BRD4: variants seen among roughly 807,000 people sequenced by gnomAD.
The protein encoded by BRD4 is bromodomain containing 4.
Under a neutral mutation model 142.1 loss-of-function variants are expected in BRD4, and 16 were observed. That is an observed-to-expected ratio of 0.11 (90% CI 0.08 to 0.17). The LOEUF (loss-of-function observed/expected upper bound fraction) is 0.17. BRD4 is among the 10% of genes least tolerant of loss of function. The pLI, the probability that BRD4 is intolerant of heterozygous loss-of-function variation, is 1.00. For synonymous variants in BRD4, 833 were observed against 707.5 expected, an observed-to-expected ratio of 1.18 and a Z score of -2.82; for missense variants, 1,424 against 1,810.9, an observed-to-expected ratio of 0.79 and a Z score of 3.88.
At chr19:15,327,793 T>C (rs780452070) in intron 1 of BRD4, among the ~76,000 whole-genome samples, 2 of 151,314 alleles carry the variant, frequency 1.3e-5, no homozygotes, top group Middle Eastern at 3.4e-3. Context: ...TTACATATTG[T>C]AGGATTCCTG....
intron 1 of BRD4, among the ~76,000 whole-genome samples, chr19:15,274,042 G>A (rs1051091781): frequency 6.6e-6 from 1 of 152,092 alleles, no homozygotes; most frequent in South Asian, 2.1e-4. Flanking sequence ...AGCTCCAAAC[G>A]GAGAATTTGC....
intron 1 of BRD4, among the ~76,000 whole-genome samples, chr19:15,296,257 TAAAAA>T (rs558813778): frequency 7.0e-6 from 1 of 142,712 alleles, no homozygotes; most frequent in Non-Finnish European, 1.5e-5. Context: ...CATCTCAAAA[TAAAAA>T]AAAAAAGAAT....
intron 11 of BRD4, 63 bp downstream of exon 11, chr19:15,254,089 G>A (rs1185513571): frequency 1.3e-5 from 18 of 1,394,880 alleles, no homozygotes; most frequent in East Asian, 9.2e-5. Context: ...ACACAGGACC[G>A]AGCTAGTGCC....
intron 1 of BRD4, among the ~76,000 whole-genome samples, chr19:15,295,628 CAAGAA>C (rs1353941796): frequency 6.6e-6 from 1 of 152,206 alleles, no homozygotes; most frequent in East Asian, 1.9e-4. Flanking sequence ...TGTAATAAGA[CAAGAA>C]AAGGAAATGA....
intron 7 of BRD4, among the ~76,000 whole-genome samples, chr19:15,257,577 T>G: frequency 6.7e-6 from 1 of 150,222 alleles, no homozygotes; most frequent in African/African-American, 2.5e-5. Context: ...GGAGCAGGAG[T>G]TGTCTGTGGT....
chr19:15,281,275 C>T (rs1342275924), intron 1 of BRD4, among the ~76,000 whole-genome samples: 1 of 151,956 alleles, frequency 6.6e-6, no homozygotes, highest in Non-Finnish European at 1.5e-5. Context: ...CTTGACTCTG[C>T]AGTACCCCAG....
intron 7 of BRD4, among the ~76,000 whole-genome samples, chr19:15,262,390 T>A (rs538097951): frequency 6.6e-6 from 1 of 151,906 alleles, no homozygotes; most frequent in Non-Finnish European, 1.5e-5. Context: ...TTATGATCAT[T>A]TATCTACAGT....
At position 15,239,306 on chromosome 19, in the gene BRD4, G is replaced by A; in HGVS notation, c.3577-42C>T. 1 of 1,613,878 alleles carries A rather than the reference G, an allele frequency of 6.2e-7. No individual in the cohort carries two copies. Among genetic ancestry groups the A allele is most frequent in the Non-Finnish European group, 8.5e-7 (1 of 1,179,980 alleles). On this transcript the variant is annotated intron_variant, in intron 17 of 19. Coordinates refer to ENST00000679869, the MANE Select transcript of BRD4 (RefSeq NM_001379291.1). This position sits in a 1 kb window ranked among gnomAD's most constrained non-coding sequence, Gnocchi z 7.4. ...TTGGGGTGGGTGAGGGGTCTGCTGTGCCTAAAGGGCATAGCTGGGGGTGTG... is the reference window on the plus strand; with the variant it reads ...TTGGGGTGGGTGAGGGGTCTGCTGTACCTAAAGGGCATAGCTGGGGGTGTG...
intron 1 of BRD4, among the ~76,000 whole-genome samples, chr19:15,299,650 A>G (rs1449473999): frequency 6.6e-6 from 1 of 152,238 alleles, no homozygotes; most frequent in Non-Finnish European, 1.5e-5. Flanking sequence ...ACACATTTAC[A>G]GGGACATGTT....
chr19:15,312,827 C>G (rs893989674), intron 1 of BRD4, among the ~76,000 whole-genome samples: 11 of 151,198 alleles, frequency 7.3e-5, no homozygotes, highest in African/African-American at 2.7e-4. Flanking sequence ...TCCAGCTACC[C>G]CAGAGGCTGA....
chr19:15,315,814 C>T (rs910688513), intron 1 of BRD4, among the ~76,000 whole-genome samples: 22 of 150,974 alleles, frequency 1.5e-4, no homozygotes, highest in African/African-American at 5.4e-4. Context: ...TGAGATCACA[C>T]CACTGCACTC....
In BRD4 at chr19:15,296,588, C is replaced by T. The variant is rs144226014; in HGVS notation, c.-34-23455G>A. 2.9e-3 allele frequency among the ~76,000 whole-genome samples: 440 copies of T among 152,280 alleles called. 1 individual carries two copies. The highest frequency in any genetic ancestry group is 0.027 in the Middle Eastern group (8 of 294). Reference sequence around the variant, plus strand: ...GACCAGCCAGTGTGTCTTTAGAGAGCAGTGGCGCGGAGAGTAAACTATGGC... The same window carrying T: ...GACCAGCCAGTGTGTCTTTAGAGAGTAGTGGCGCGGAGAGTAAACTATGGC... On this transcript the variant is annotated intron_variant, in intron 1 of 19. Coordinates refer to ENST00000679869, the MANE Select transcript of BRD4 (RefSeq NM_001379291.1).
At chr19:15,297,070 G>A (rs2047829138) in intron 1 of BRD4, among the ~76,000 whole-genome samples, 1 of 152,152 alleles carries the variant, frequency 6.6e-6, no homozygotes, top group African/African-American at 2.4e-5. Context: ...TATCTGTGAG[G>A]AGTAAACAAA....
intron 1 of BRD4, among the ~76,000 whole-genome samples, chr19:15,281,984 C>T (rs188988274): frequency 6.6e-6 from 1 of 152,278 alleles, no homozygotes; most frequent in Admixed American, 6.5e-5. Flanking sequence ...TGCCACTGCA[C>T]TCCAGCCTGG....
At chr19:15,251,620 C>T (rs1281213952) in intron 11 of BRD4, among the ~76,000 whole-genome samples, 1 of 152,060 alleles carries the variant, frequency 6.6e-6, no homozygotes, top group Non-Finnish European at 1.5e-5. Flanking sequence ...GAAGGAGCTA[C>T]GCCCCCTCTG....
chr19:15,238,592 G>A lies in BRD4; in HGVS notation c.4021-147C>T. 6.7e-7 allele frequency: 1 copy of A among 1,492,018 alleles called. No homozygotes were observed. The allele number at this position is 1,492,018 out of a possible 1,614,324, so 92.4% of individuals were successfully genotyped here. On this transcript the variant is annotated intron_variant, in intron 19 of 19. Coordinates refer to ENST00000679869, the MANE Select transcript of BRD4 (RefSeq NM_001379291.1). This position sits in a 1 kb window ranked among gnomAD's most constrained non-coding sequence, Gnocchi z 7.2. Reference sequence around the variant, plus strand: ...CTCACCCCGTCCACACAGCACTCAGGGCCCTACAGCTGAGTCCAGAGGACC... The same window carrying A: ...CTCACCCCGTCCACACAGCACTCAGAGCCCTACAGCTGAGTCCAGAGGACC...
At chr19:15,257,560 G>A (rs950640863) in intron 7 of BRD4, among the ~76,000 whole-genome samples, 4 of 152,162 alleles carry the variant, frequency 2.6e-5, no homozygotes, top group African/African-American at 7.2e-5. Context: ...CACCAGATGC[G>A]TGCGGGGGAG....
chr19:15,253,500 T>G (rs1314278587), intron 11 of BRD4: 2 of 1,477,230 alleles, frequency 1.4e-6, no homozygotes, highest in East Asian at 2.5e-5. Context: ...AAGGGACTGT[T>G]AGTTAGAACT....
In BRD4 at chr19:15,244,351, C is replaced by T. The variant is rs144592187; in HGVS notation, c.2461G>A (p.Gly821Ser). Reference sequence around the variant, plus strand: ...TGCAGGATGGGCTGGGTGAAGTGGCCGATGGGGTCAAAGACGCTGCCTGGG... The same window carrying T: ...TGCAGGATGGGCTGGGTGAAGTGGCTGATGGGGTCAAAGACGCTGCCTGGG... ...QLPGSVFDPI[G>S]HFTQPILHLP... Residue 821 changes from glycine to serine, a missense_variant, in exon 13 of 20, where the codon GGC (glycine) becomes AGC (serine). Transcript: ENST00000679869. The T allele has an allele frequency of 4.7e-5, 75 of 1,603,216 alleles. No homozygotes were observed. The African/African-American group carries it at 5.2e-4, about 11-fold the overall frequency.
Sources: gnomAD v4.1 joint callset for allele counts (sites outside exome capture counted in the v4.1 genomes callset) on GRCh38, gnomAD v4.1.1 for gene constraint, Gnocchi (gnomAD v3.1) non-coding constraint, MANE v1.5 for transcripts, NCBI Gene and HGNC (gene_info 2026-07-23, HGNC 2026-07-21) for gene names.